Variants in STAT4 observed in about 807,000 individuals in gnomAD.
STAT4 encodes the protein signal transducer and activator of transcription 4.
Under a neutral mutation model 110.5 loss-of-function variants are expected in STAT4, and 42 were observed. The observed-to-expected ratio is 0.38, with a 90% CI of 0.30 to 0.49. The LOEUF (loss-of-function observed/expected upper bound fraction) is 0.49. Ranked by LOEUF, STAT4 falls within the 20% of genes least tolerant of loss-of-function variation. STAT4 has a pLI of 0.95. For synonymous variants in STAT4, 284 were observed against 302.2 expected (o/e 0.94, Z 0.63); for missense variants, 632 against 887.9 (o/e 0.71, Z 3.66).
chr2:191,118,422 T>C (rs935207159), intron 3 of STAT4, among the ~76,000 whole-genome samples: 1 of 152,182 alleles, frequency 6.6e-6, no homozygotes, highest in Admixed American at 6.5e-5. Context: ...AAATCAAAAA[T>C]TGGTGAGATC....
intron 14 of STAT4, among the ~76,000 whole-genome samples, chr2:191,049,295 C>T (rs1309179800): frequency 6.6e-6 from 1 of 151,652 alleles, no homozygotes; most frequent in East Asian, 1.9e-4. Context: ...TTGCCTCAGC[C>T]TCCTGAGTAG....
rs558393323 is a variant in STAT4 at position 191,059,837 on chromosome 2, T to C, written c.1035-1068A>G. ...ATGTTGAGTGTGCAGTCATTGGTGG[T>C]GAATGGTGAGAAGGGGGCATAGTCA... On this transcript the variant is annotated intron_variant, in intron 10 of 23. Coordinates refer to ENST00000392320, the MANE Select transcript of STAT4 (RefSeq NM_003151.4). This position sits in a 1 kb window ranked among gnomAD's most constrained non-coding sequence, Gnocchi z 4.7. 6.6e-6 allele frequency among the ~76,000 whole-genome samples: 1 copy of C among 152,208 alleles called. No individual in the cohort carries two copies. Among genetic ancestry groups the C allele is most frequent in the African/African-American group, 2.4e-5 (1 of 41,528 alleles).
intron 4 of STAT4, among the ~76,000 whole-genome samples, chr2:191,075,538 G>A (rs1697289798): frequency 2.0e-5 from 3 of 152,216 alleles, no homozygotes; most frequent in South Asian, 2.1e-4. Context: ...CATACAGGAA[G>A]AGGCAGAGTG....
rs1000563390 is a variant in STAT4 at position 191,035,293 on chromosome 2, AC to A, written c.1571-697del. Among the ~76,000 whole-genome samples the A allele has an allele frequency of 1.3e-5, 2 of 152,246 alleles. No homozygotes were observed. Among genetic ancestry groups the A allele is most frequent in the African/African-American group, 4.8e-5 (2 of 41,464 alleles). On this transcript the variant is annotated intron_variant, in intron 17 of 23. Transcript: ENST00000392320. The surrounding 1 kb of genome is among the most constrained non-coding windows in gnomAD (Gnocchi z 4.7). Reference sequence around the variant, plus strand: ...GCTTATGAATTAAATAAGGATCAAAACATGTATTTCCATTAAGTAAATTTTG... The same window carrying A: ...GCTTATGAATTAAATAAGGATCAAAAATGTATTTCCATTAAGTAAATTTTG...
At chr2:191,071,787 G>A (rs1046154741) in intron 5 of STAT4, among the ~76,000 whole-genome samples, 1 of 152,196 alleles carries the variant, frequency 6.6e-6, no homozygotes, top group Non-Finnish European at 1.5e-5. Flanking sequence ...TCAGGCCCTG[G>A]GACAGGGATC....
rs1259265179 is a variant in STAT4, at chr2:191,060,854, C to A, written c.1034+875G>T. Among the ~76,000 whole-genome samples, 1 of 152,204 alleles carries A rather than the reference C, an allele frequency of 6.6e-6. No homozygotes were observed. The highest frequency in any genetic ancestry group is 1.5e-5 in the Non-Finnish European group (1 of 68,036). ...AATGCAAACCGAAGACAAATGCCTT[C>A]TCTTTAAAAATGGAGTTCCAATAGT... On this transcript the variant is annotated intron_variant, in intron 10 of 23. Transcript: ENST00000392320. This position sits in a 1 kb window ranked among gnomAD's most constrained non-coding sequence, Gnocchi z 4.5.
chr2:191,076,175 A>G, intron 4 of STAT4, 52 bp downstream of exon 4: 1 of 1,456,300 alleles, frequency 6.9e-7, no homozygotes, highest in Non-Finnish European at 9.6e-7. Flanking sequence ...TTTCTGTTTC[A>G]GAAAAATTGA....
chr2:191,031,074 A>G lies in STAT4; in HGVS notation c.2118T>C (p.Ser706=). The G allele has an allele frequency of 6.2e-7, 1 of 1,613,966 alleles. No individual in the cohort carries two copies. The highest frequency in any genetic ancestry group is 1.1e-5 in the South Asian group (1 of 91,086). The change falls in exon 23 of 24, where the codon AGT becomes AGC. Residue 706 remains serine (S), a synonymous_variant. Transcript: ENST00000392320. The surrounding 1 kb of genome is among the most constrained non-coding windows in gnomAD (Gnocchi z 4.8). ...SVFIPISTIR[S]DSTEPHSPSD... is the part of the protein sequence containing the mutation. Reference sequence around the variant, plus strand: ...ATGGAGAATGTGGCTCTGTTGAATCACTTCGGCTTAAAGAGATAACAAGGT... The same window carrying G: ...ATGGAGAATGTGGCTCTGTTGAATCGCTTCGGCTTAAAGAGATAACAAGGT...
intron 5 of STAT4, among the ~76,000 whole-genome samples, chr2:191,072,596 GA>G (rs1351481857): frequency 1.3e-5 from 2 of 152,028 alleles, no homozygotes; most frequent in Non-Finnish European, 2.9e-5. Flanking sequence ...TTTTGGAAGG[GA>G]AATTAACATC....
chr2:191,097,099 C>T (rs980885998), intron 3 of STAT4, among the ~76,000 whole-genome samples: 1 of 152,118 alleles, frequency 6.6e-6, no homozygotes, highest in African/African-American at 2.4e-5. Flanking sequence ...AAACACAAAC[C>T]ACTGCTCGAC....
At chr2:191,076,567 G>C (rs1483821353) in intron 3 of STAT4, among the ~76,000 whole-genome samples, 1 of 151,682 alleles carries the variant, frequency 6.6e-6, no homozygotes, top group Non-Finnish European at 1.5e-5. Flanking sequence ...ATGAAAAATG[G>C]TTCTCGAGCA....
intron 3 of STAT4, among the ~76,000 whole-genome samples, chr2:191,134,771 A>AAAGG (rs1699132092): frequency 6.6e-6 from 1 of 152,240 alleles, no homozygotes; most frequent in Non-Finnish European, 1.5e-5. Context: ...ATCAACAACA[A>AAAGG]AAGGCACTTT....
intron 6 of STAT4, among the ~76,000 whole-genome samples, chr2:191,068,773 C>T (rs574231996): frequency 6.6e-6 from 1 of 152,184 alleles, no homozygotes; most frequent in Admixed American, 6.5e-5. Flanking sequence ...AACATCAGCA[C>T]AATTCCATCA....
chr2:191,081,873 T>A (rs940462040), intron 3 of STAT4, among the ~76,000 whole-genome samples: 3 of 152,134 alleles, frequency 2.0e-5, no homozygotes, highest in Non-Finnish European at 4.4e-5. Flanking sequence ...CACTCCCTCA[T>A]CCCTAGCATT....
chr2:191,034,441 A>C, intron 18 of STAT4, 107 bp downstream of exon 18: 1 of 933,772 alleles, frequency 1.1e-6, no homozygotes, highest in Non-Finnish European at 1.7e-6. Context: ...AAAAAAAAGA[A>C]AAATTCTTAT....
At chr2:191,038,356 C>T (rs1183498563) in intron 16 of STAT4, among the ~76,000 whole-genome samples, 6 of 152,152 alleles carry the variant, frequency 3.9e-5, no homozygotes, top group Non-Finnish European at 8.8e-5. Context: ...TCGTTGTTTC[C>T]TTATTAGAAC....
rs13396551 is a variant in STAT4 at position 191,135,477 on chromosome 2, T to A, written c.273+11136A>T. ...CTTTGTTGTTGTTGTTGTTATTGTT[T>A]TTGTTTGTTTGTTTGAGATGGAGTC... On this transcript the variant is annotated intron_variant, in intron 3 of 23. Coordinates refer to ENST00000392320, the MANE Select transcript of STAT4 (RefSeq NM_003151.4). This position sits in a 1 kb window ranked among gnomAD's most constrained non-coding sequence, Gnocchi z 4.8. 1.3e-5 allele frequency among the ~76,000 whole-genome samples: 2 copies of A among 151,622 alleles called. No homozygotes were observed. Among genetic ancestry groups the A allele is most frequent in the Non-Finnish European group, 2.9e-5 (2 of 68,018 alleles).
chr2:191,032,949 A>G lies in STAT4; in HGVS notation c.2044+9T>C. ...GAAAAAAAAACAAAAACAAACAGAA[A>G]AACCTAACCTTCGCAAGGCTGAGAG... On this transcript the variant is annotated intron_variant, in intron 21 of 23. Transcript: ENST00000392320. The surrounding 1 kb of genome is among the most constrained non-coding windows in gnomAD (Gnocchi z 4.9). 1 of 1,581,300 alleles carries G rather than the reference A, an allele frequency of 6.3e-7. No homozygotes were observed. The highest frequency in any genetic ancestry group is 8.6e-7 in the Non-Finnish European group (1 of 1,168,754).
chr2:191,033,773 T>C lies in STAT4; in HGVS notation c.1715+138A>G. ...TATAGATTAATATACATAGTGCCAC[T>C]CCACAAAGAATAAGAAATTGCAACT... On this transcript the variant is annotated intron_variant, in intron 19 of 23. Coordinates refer to ENST00000392320, the MANE Select transcript of STAT4 (RefSeq NM_003151.4). The surrounding 1 kb of genome is among the most constrained non-coding windows in gnomAD (Gnocchi z 6.9). The C allele has an allele frequency of 1.5e-6, 2 of 1,334,826 alleles. No individual in the cohort carries two copies. Among genetic ancestry groups the C allele is most frequent in the African/African-American group, 1.5e-5 (1 of 67,544 alleles). The allele number at this position is 1,334,826 out of a possible 1,614,324, so 82.7% of individuals were successfully genotyped here. A position where few individuals can be genotyped will look rare whatever the true frequency, so the allele number is the denominator to read the frequency against.
Sources: allele counts gnomAD v4.1 joint callset (sites outside exome capture counted in the v4.1 genomes callset), GRCh38; gene constraint gnomAD v4.1.1; non-coding constraint Gnocchi (gnomAD v3.1); transcripts MANE v1.5; gene names NCBI Gene and HGNC (gene_info 2026-07-23, HGNC 2026-07-21).